Variants in ZNF18 observed in about 807,000 individuals in gnomAD.
ZNF18 encodes heart development-specific gene 1 protein.
In ZNF18, 42 loss-of-function variants were observed where a neutral mutation model predicts 58.1. That is an observed-to-expected ratio of 0.72 (90% CI 0.56 to 0.93). ZNF18 has a LOEUF of 0.93. ZNF18 is among the 40% of genes least tolerant of loss of function. ZNF18 has a pLI of 0.00. For synonymous variants in ZNF18, 231 were observed against 239.8 expected (o/e 0.96, Z 0.34); for missense variants, 540 against 644.2 (o/e 0.84, Z 1.75).
chr17:11,995,021 C>A (rs1019790658), intron 1 of ZNF18, among the ~76,000 whole-genome samples: 3 of 152,142 alleles, frequency 2.0e-5, no homozygotes, highest in Non-Finnish European at 4.4e-5. Context: ...GTCACAGAGG[C>A]AGATGAAAAT....
Position 11,978,663 on chromosome 17 carries a change from G to A in ZNF18, c.944C>T (p.Ala315Val), listed in dbSNP as rs746318739. 1 of 1,613,342 alleles carries A rather than the reference G, an allele frequency of 6.2e-7. No homozygotes were observed. The highest frequency in any genetic ancestry group is 2.2e-5 in the East Asian group (1 of 44,850). The change falls in exon 7 of 7, where the codon GCT becomes GTT. Residue 315 changes from alanine to valine, a missense_variant. Ala to Val is a moderately conservative substitution (Grantham distance 64, BLOSUM62 0). Coordinates refer to ENST00000580306, the MANE Select transcript of ZNF18 (RefSeq NM_001303281.2). ...AGCCTGAGAAGGAACCTCTCCTGAA[G>A]CTTGACAGGAAGCATGCAGGAGCTC... Reference protein sequence around the residue: ...DQELLHASCQASGEVPSQASL... With the variant: ...DQELLHASCQVSGEVPSQASL...
At chr17:11,992,373 G>C in intron 2 of ZNF18, 70 bp downstream of exon 2, 1 of 1,531,072 alleles carries the variant, frequency 6.5e-7, no homozygotes, top group East Asian at 2.3e-5. Context: ...TCAGAAAAAA[G>C]ACAACACACC....
At chr17:12,015,799 T>C in the ZNF18 span, among the ~76,000 whole-genome samples, 1 of 152,168 alleles carries the variant, frequency 6.6e-6, no homozygotes, top group Admixed American at 6.5e-5. Context: ...GTATTCCTTT[T>C]TTTTTTTGAG....
chr17:12,021,199 A>C, the ZNF18 span: 1 of 328,204 alleles, frequency 3.0e-6, no homozygotes, highest in Non-Finnish European at 5.5e-6. Flanking sequence ...CGGCCCGCAT[A>C]GGCCCCGGCC....
chr17:11,980,356 T>C (rs148384550), intron 6 of ZNF18, among the ~76,000 whole-genome samples: 1 of 152,304 alleles, frequency 6.6e-6, no homozygotes, highest in Non-Finnish European at 1.5e-5. Context: ...GGAAAGCACA[T>C]TTTTCTTATC....
At chr17:12,014,624 G>C in the ZNF18 span, among the ~76,000 whole-genome samples, 1 of 152,184 alleles carries the variant, frequency 6.6e-6, no homozygotes, top group African/African-American at 2.4e-5. Context: ...ATTTGTAGTT[G>C]CTGAAAGCTA....
chr17:12,002,173 G>A (rs898700678), upstream of ZNF18: 2 of 152,254 alleles, frequency 1.3e-5, no homozygotes, highest in Admixed American at 1.3e-4. Context: ...AGGCCAAGGT[G>A]GGTGGATCAT....
At chr17:11,989,223 G>A (rs190670492) in intron 4 of ZNF18, among the ~76,000 whole-genome samples, 75 of 152,148 alleles carry the variant, frequency 4.9e-4, no homozygotes, top group African/African-American at 1.8e-3. Flanking sequence ...TACTCAGGAG[G>A]CTGAGGCAGG....
chr17:12,016,503 T>A, the ZNF18 span, among the ~76,000 whole-genome samples: 1 of 152,096 alleles, frequency 6.6e-6, no homozygotes, highest in Non-Finnish European at 1.5e-5. Flanking sequence ...CTAATTTTTG[T>A]CTTCTTAGTA....
chr17:11,989,374 A>C (rs1410971667), intron 4 of ZNF18, among the ~76,000 whole-genome samples: 1 of 152,210 alleles, frequency 6.6e-6, no homozygotes, highest in African/African-American at 2.4e-5. Flanking sequence ...GAAGTGGGAA[A>C]ATACATCTCA....
the ZNF18 span, among the ~76,000 whole-genome samples, chr17:12,008,601 A>G: frequency 8.1e-4 from 124 of 152,310 alleles, no homozygotes; most frequent in African/African-American, 2.8e-3. Flanking sequence ...TCCAGAAGGC[A>G]GAGGAGTCAA....
the ZNF18 span, among the ~76,000 whole-genome samples, chr17:12,020,487 C>A: frequency 1.3e-5 from 2 of 152,156 alleles, no homozygotes; most frequent in Non-Finnish European, 1.5e-5. Context: ...GGATCCTTTT[C>A]AGCTTTACTA....
the ZNF18 span, among the ~76,000 whole-genome samples, chr17:12,016,758 A>G: frequency 6.6e-6 from 1 of 152,192 alleles, no homozygotes; most frequent in Non-Finnish European, 1.5e-5. Flanking sequence ...AGACCATGGT[A>G]TTCACTAGCA....
chr17:11,978,928 C>T (rs750069071), intron 6 of ZNF18, among the ~76,000 whole-genome samples, 184 bp from the exon 7 acceptor site: 9 of 145,810 alleles, frequency 6.2e-5, no homozygotes, highest in Non-Finnish European at 1.2e-4. Flanking sequence ...CTCACTTCCC[C>T]TGTCCTGGGT....
intron 3 of ZNF18, among the ~76,000 whole-genome samples, 187 bp downstream of exon 3, chr17:11,990,787 C>T (rs1968067061): frequency 1.3e-5 from 2 of 152,300 alleles, no homozygotes; most frequent in South Asian, 4.1e-4. Flanking sequence ...TGGTCTGGCC[C>T]AGTCATAAAG....
the ZNF18 span, among the ~76,000 whole-genome samples, chr17:12,004,224 CTG>C: frequency 6.6e-6 from 1 of 150,666 alleles, no homozygotes. Flanking sequence ...GAGCGAGACT[CTG>C]TGTCTCAAAA....
At chr17:11,990,246 G>GTA (rs769995596) in intron 4 of ZNF18, among the ~76,000 whole-genome samples, 3 of 151,670 alleles carry the variant, frequency 2.0e-5, no homozygotes, top group Non-Finnish European at 4.4e-5. Flanking sequence ...ATATATATAT[G>GTA]TATATATATA....
Position 11,991,178 on chromosome 17 carries a change from T to C in ZNF18, c.388-15A>G, listed in dbSNP as rs1401077084. On this transcript the variant is annotated splice_polypyrimidine_tract_variant and intron_variant, in intron 2 of 6. Coordinates refer to ENST00000580306, the MANE Select transcript of ZNF18 (RefSeq NM_001303281.2). The stretch of plus-strand genomic sequence containing the variant: ...TGGATACTGATCTAGAGACCATATA[T>C]TAATTAGTAATTACTGAAGAATCCA... 1.2e-6 allele frequency: 2 copies of C among 1,602,678 alleles called. No homozygotes were observed. The highest frequency in any genetic ancestry group is 3.4e-5 in the Admixed American group (2 of 59,350).
chr17:11,984,720 G>A (rs1967624079), intron 4 of ZNF18, among the ~76,000 whole-genome samples: 2 of 152,044 alleles, frequency 1.3e-5, no homozygotes, highest in Admixed American at 6.6e-5. Context: ...TCACCATCAG[G>A]ATGGTCTCGA....
Sources: gnomAD v4.1 joint callset for allele counts (sites outside exome capture counted in the v4.1 genomes callset) on GRCh38, gnomAD v4.1.1 for gene constraint, MANE v1.5 for transcripts, NCBI Gene and HGNC (gene_info 2026-07-23, HGNC 2026-07-21) for gene names.